NUDT3: variants seen among roughly 807,000 people sequenced by gnomAD.
NUDT3 encodes diphosphoinositol polyphosphate phosphohydrolase 1.
Under a neutral mutation model 23.6 loss-of-function variants are expected in NUDT3, and 9 were observed. That is an observed-to-expected ratio of 0.38 (90% CI 0.23 to 0.66). The LOEUF (loss-of-function observed/expected upper bound fraction) is 0.66. Among genes scored for constraint, NUDT3 ranks in the 30% least tolerant of loss-of-function variants. NUDT3 has a pLI of 0.52. For synonymous variants in NUDT3, 86 were observed against 82.6 expected (o/e 1.04, Z -0.22); for missense variants, 172 against 218.5 (o/e 0.79, Z 1.34).
intron 1 of NUDT3, among the ~76,000 whole-genome samples, chr6:34,357,871 C>T (rs1248124695): frequency 6.6e-6 from 1 of 152,110 alleles, no homozygotes; most frequent in Non-Finnish European, 1.5e-5. Flanking sequence ...AAGGTCCTGC[C>T]TCAGTCCAAG....
chr6:34,377,416 A>G (rs994040671), intron 1 of NUDT3, among the ~76,000 whole-genome samples: 4 of 152,200 alleles, frequency 2.6e-5, no homozygotes, highest in African/African-American at 9.7e-5. Flanking sequence ...TACTGTTTTC[A>G]TAAACTTGGA....
At chr6:34,367,663 G>C (rs1244164798) in intron 1 of NUDT3, among the ~76,000 whole-genome samples, 1 of 152,052 alleles carries the variant, frequency 6.6e-6, no homozygotes, top group Non-Finnish European at 1.5e-5. Context: ...CAGAACAAAA[G>C]ACAAGTGGCA....
Position 34,282,780 on chromosome 6 carries a change from G to T in NUDT3, c.*5973C>A, listed in dbSNP as rs1341299464. The T allele has an allele frequency of 1.5e-4, 23 of 152,104 alleles. No individual in the cohort carries two copies. The highest frequency in any genetic ancestry group is 4.4e-5 in the Non-Finnish European group (3 of 68,034). The allele number at this position is 152,104 out of a possible 1,614,324, so 9.4% of individuals were successfully genotyped here. ...GTATCCTTTAAAGCCTATATCCAGG[G>T]TTTTAAATGACGCTTTTTTTGTGTG... is the stretch of plus-strand genomic sequence containing the variant. On this transcript the variant is annotated 3_prime_UTR_variant, in exon 5 of 5. Coordinates refer to ENST00000607016, the MANE Select transcript of NUDT3 (RefSeq NM_006703.4).
Position 34,282,895 on chromosome 6 carries a change from C to T in NUDT3, c.*5858G>A, listed in dbSNP as rs772760208. The T allele has an allele frequency of 6.6e-6, 1 of 152,180 alleles. No homozygotes were observed. The highest frequency in any genetic ancestry group is 1.5e-5 in the Non-Finnish European group (1 of 68,028). The allele number at this position is 152,180 out of a possible 1,614,324, so 9.4% of individuals were successfully genotyped here. ...TAGAGTCAACTGACTGCTGGAGGAA[C>T]AGAAGCAATGACTTCTTTCCACCTT... On this transcript the variant is annotated 3_prime_UTR_variant, in exon 5 of 5. Coordinates refer to ENST00000607016, the MANE Select transcript of NUDT3 (RefSeq NM_006703.4).
rs1247572176 is a variant in NUDT3, at chr6:34,392,608, C to T, written c.-246G>A. 4 of 287,914 alleles carry T rather than the reference C, an allele frequency of 1.4e-5. No individual in the cohort carries two copies. Among genetic ancestry groups the T allele is most frequent in the East Asian group, 5.9e-5 (1 of 16,826 alleles). 17.8% of individuals were successfully genotyped at this position (287,914 alleles called of 1,614,324 possible). On this transcript the variant is annotated 5_prime_UTR_variant, in exon 1 of 5. Coordinates refer to ENST00000607016, the MANE Select transcript of NUDT3 (RefSeq NM_006703.4). ...GCTGCCGCCAGGGCCGCCGCCCCCT[C>T]TGCCGCCGCCACCCCCGACGACGAC...
At chr6:34,345,281 C>G (rs1764348778) in intron 1 of NUDT3, among the ~76,000 whole-genome samples, 1 of 151,842 alleles carries the variant, frequency 6.6e-6, no homozygotes, top group Non-Finnish European at 1.5e-5. Context: ...AACTCCTGAC[C>G]TCAGGTGATC....
At chr6:34,322,994 C>G (rs1016285547) in intron 2 of NUDT3, among the ~76,000 whole-genome samples, 2 of 152,144 alleles carry the variant, frequency 1.3e-5, no homozygotes, top group African/African-American at 2.4e-5. Flanking sequence ...CAAATTAACA[C>G]AGAAACAGAA....
At chr6:34,392,210 A>T in intron 1 of NUDT3, 54 bp downstream of exon 1, 11 of 1,440,122 alleles carry the variant, frequency 7.6e-6, no homozygotes, top group Non-Finnish European at 9.3e-7. Context: ...TCGCGCCTCC[A>T]CCCGAAGGGG....
intron 2 of NUDT3, among the ~76,000 whole-genome samples, chr6:34,315,984 T>C (rs1413701993): frequency 6.6e-6 from 1 of 152,210 alleles, no homozygotes; most frequent in Non-Finnish European, 1.5e-5. Flanking sequence ...CTTCCCCTTT[T>C]TGACTGCCTT....
chr6:34,303,992 C>T (rs960007627), intron 2 of NUDT3, among the ~76,000 whole-genome samples: 22 of 152,136 alleles, frequency 1.4e-4, no homozygotes, highest in African/African-American at 5.3e-4. Flanking sequence ...GTGGCTCATG[C>T]CTGTGATCTC....
intron 2 of NUDT3, among the ~76,000 whole-genome samples, chr6:34,341,200 C>T (rs1466775874): frequency 1.3e-5 from 2 of 152,208 alleles, no homozygotes; most frequent in African/African-American, 2.4e-5. Context: ...AATAATAGTT[C>T]GTTTCTCTGG....
chr6:34,331,263 T>C (rs994151629), intron 2 of NUDT3, among the ~76,000 whole-genome samples: 3 of 151,834 alleles, frequency 2.0e-5, no homozygotes, highest in African/African-American at 7.3e-5. Context: ...TATTCTACAT[T>C]AAGGTATTTA....
At chr6:34,313,040 G>A (rs559190589) in intron 2 of NUDT3, among the ~76,000 whole-genome samples, 6 of 152,028 alleles carry the variant, frequency 3.9e-5, no homozygotes, top group African/African-American at 1.2e-4. Context: ...GGTGGCGCAC[G>A]ACTACAGGCC....
intron 2 of NUDT3, among the ~76,000 whole-genome samples, chr6:34,297,760 A>ATATATATTTT (rs1763535832): frequency 9.3e-5 from 5 of 53,648 alleles, no homozygotes; most frequent in South Asian, 6.7e-4. Flanking sequence ...TATATATATA[A>ATATATATTTT]TTTTTTTTTT....
chr6:34,349,561 G>A (rs1007254917), intron 1 of NUDT3, among the ~76,000 whole-genome samples: 1 of 150,560 alleles, frequency 6.6e-6, no homozygotes, highest in Non-Finnish European at 1.5e-5. Context: ...GAGGGAAACC[G>A]ACGGTGATTT....
chr6:34,379,246 A>G (rs1229727430), intron 1 of NUDT3, among the ~76,000 whole-genome samples: 1 of 152,114 alleles, frequency 6.6e-6, no homozygotes, highest in East Asian at 1.9e-4. Context: ...GACTTTTTAT[A>G]CTTTTTATGA....
chr6:34,364,077 T>G (rs923240731), intron 1 of NUDT3, among the ~76,000 whole-genome samples: 6 of 152,220 alleles, frequency 3.9e-5, no homozygotes, highest in Non-Finnish European at 8.8e-5. Context: ...AAGACTAAAC[T>G]TGACCATGAT....
At chr6:34,336,324 T>C (rs555493753) in intron 2 of NUDT3, among the ~76,000 whole-genome samples, 9 of 151,996 alleles carry the variant, frequency 5.9e-5, no homozygotes, top group Admixed American at 3.3e-4. Flanking sequence ...TTGGGAGGGG[T>C]GTTGCTGCTC....
In NUDT3 at chr6:34,286,687, G is replaced by A. The variant is rs964660988; in HGVS notation, c.*2066C>T. ...TTGGGAATATAATTCCTTTCCCAGA[G>A]GTATCATGGTATCCCAAGAATATAA... On this transcript the variant is annotated 3_prime_UTR_variant, in exon 5 of 5. Coordinates refer to ENST00000607016, the MANE Select transcript of NUDT3 (RefSeq NM_006703.4). The A allele has an allele frequency of 6.6e-6, 1 of 151,330 alleles. No homozygotes were observed. Among genetic ancestry groups the A allele is most frequent in the African/African-American group, 2.4e-5 (1 of 41,086 alleles). 9.4% of individuals were successfully genotyped at this position (151,330 alleles called of 1,614,324 possible). A position where few individuals can be genotyped will look rare whatever the true frequency, so the allele number is the denominator to read the frequency against.
Sources: gnomAD v4.1 joint callset for allele counts (sites outside exome capture counted in the v4.1 genomes callset) on GRCh38, gnomAD v4.1.1 for gene constraint, MANE v1.5 for transcripts, NCBI Gene and HGNC (gene_info 2026-07-23, HGNC 2026-07-21) for gene names.